Variants in CTNNA1 observed in about 807,000 individuals in gnomAD.
CTNNA1 encodes the protein catenin alpha-1.
A neutral mutation model predicts 98.4 loss-of-function variants in CTNNA1; 37 were observed. The ratio of observed to expected loss-of-function variants is 0.38; its 90% confidence interval spans 0.29 to 0.49. The LOEUF (loss-of-function observed/expected upper bound fraction) is 0.49. Among genes scored for constraint, CTNNA1 ranks in the 20% least tolerant of loss-of-function variants. The pLI, the probability that CTNNA1 is intolerant of heterozygous loss-of-function variation, is 0.95. For missense variants in CTNNA1, 761 were observed against 1,147.2 expected, an observed-to-expected ratio of 0.66 and a Z score of 4.86; for synonymous variants, 404 against 413.2, an observed-to-expected ratio of 0.98 and a Z score of 0.27.
At chr5:138,829,758 G>C (rs2149790671) in intron 7 of CTNNA1, among the ~76,000 whole-genome samples, 1 of 152,214 alleles carries the variant, frequency 6.6e-6, no homozygotes, top group Admixed American at 6.5e-5. Flanking sequence ...TAGGGATCTT[G>C]AAAGAAATCT....
rs1763786362 is a variant in CTNNA1 at position 138,925,347 on chromosome 5, T to A, written c.1839T>A (p.Asp613Glu). 6.2e-7 allele frequency: 1 copy of A among 1,614,194 alleles called. No homozygotes were observed. Among genetic ancestry groups the A allele is most frequent in the Non-Finnish European group, 8.5e-7 (1 of 1,180,042 alleles). ...CCATGGATGAGAATGAGTTTATCGA[T>A]GCTTCCCGCCTGGTATATGATGGCA... ...AQPMDENEFI[D>E]ASRLVYDGIR... Residue 613 changes from aspartate to glutamate, a missense_variant, in exon 13 of 18, where the codon GAT becomes GAA. Coordinates refer to ENST00000302763, the MANE Select transcript of CTNNA1 (RefSeq NM_001903.5).
intron 7 of CTNNA1, among the ~76,000 whole-genome samples, chr5:138,863,197 G>A (rs966013316): frequency 1.3e-5 from 2 of 151,702 alleles, no homozygotes; most frequent in East Asian, 3.9e-4. Context: ...TTTCTGACTT[G>A]TTCAGGCTAA....
intron 3 of CTNNA1, among the ~76,000 whole-genome samples, chr5:138,789,183 GTT>G (rs200967324): frequency 0.057 from 3,877 of 67,810 alleles, 163 homozygotes; most frequent in African/African-American, 0.27. Context: ...TGTTTTTCCT[GTT>G]TTTCCCCCCC....
intron 3 of CTNNA1, among the ~76,000 whole-genome samples, chr5:138,784,830 T>G (rs1220870560): frequency 6.6e-6 from 1 of 152,176 alleles, no homozygotes; most frequent in Non-Finnish European, 1.5e-5. Flanking sequence ...TCTCTGCCTT[T>G]GTTATCATAT....
Position 138,873,368 on chromosome 5 carries a change from G to A in CTNNA1, c.1063-12844G>A. 6.2e-7 allele frequency: 1 copy of A among 1,614,002 alleles called. No homozygotes were observed. The highest frequency in any genetic ancestry group is 8.5e-7 in the Non-Finnish European group (1 of 1,179,878). ...AGTAACTGCTATGCCTGCAGTAGTT[G>A]GGATTTCTTTGTCTCCCACATGGTA... is the stretch of plus-strand genomic sequence containing the variant. On this transcript the variant is annotated intron_variant, in intron 7 of 17. Transcript: ENST00000302763. The surrounding 1 kb of genome is among the most constrained non-coding windows in gnomAD (Gnocchi z 6.1).
chr5:138,907,055 T>C (rs1457819495), intron 10 of CTNNA1, among the ~76,000 whole-genome samples: 2 of 152,174 alleles, frequency 1.3e-5, no homozygotes, highest in Non-Finnish European at 2.9e-5. Flanking sequence ...GGAGTCTGAC[T>C]CTGTCACCCA....
Position 138,932,310 on chromosome 5 carries a change from G to T in CTNNA1, c.2299-268G>T, listed in dbSNP as rs1055706154. On this transcript the variant is annotated intron_variant, in intron 16 of 17. Transcript: ENST00000302763. ...CCCCGCCGTCATAGGAGGGAAGTCA[G>T]TGGGAGGCTCAGAAGGCCTTGGCTA... is the stretch of plus-strand genomic sequence containing the variant. The T allele has an allele frequency of 1.6e-4, 203 of 1,239,712 alleles. 1 individual carries two copies. Among genetic ancestry groups the T allele is most frequent in the Non-Finnish European group, 1.9e-4 (191 of 988,456 alleles). The allele number at this position is 1,239,712 out of a possible 1,614,324, so 76.8% of individuals were successfully genotyped here. A position where few individuals can be genotyped will look rare whatever the true frequency, so the allele number is the denominator to read the frequency against.
At position 138,797,190 on chromosome 5, in the gene CTNNA1, A is replaced by T. The variant is rs190868251; in HGVS notation, c.302-12848A>T. 4.6e-5 allele frequency among the ~76,000 whole-genome samples: 7 copies of T among 152,338 alleles called. No homozygotes were observed. In the East Asian group the frequency reaches 1.3e-3, roughly 29 times the overall value. ...TTTGAAGCCTGAGTTTTATTATCAT[A>T]CACACAAACTAAAGATATTGGCATT... is the stretch of plus-strand genomic sequence containing the variant. On this transcript the variant is annotated intron_variant, in intron 3 of 17. Transcript: ENST00000302763.
At position 138,805,517 on chromosome 5, in the gene CTNNA1, GCATCTTTT is replaced by G. The variant is rs1757998485; in HGVS notation, c.302-4517_302-4510del. Among the ~76,000 whole-genome samples, 3 of 152,228 alleles carry G rather than the reference GCATCTTTT, an allele frequency of 2.0e-5. No homozygotes were observed. In the South Asian group the frequency reaches 6.2e-4, roughly 32 times the overall value. The stretch of plus-strand genomic sequence containing the variant: ...ATTACCTGATGGCTAGTGAGGTTGA[GCATCTTTT>G]CATGTGCTTGTTGGCCATTTCTAAA... On this transcript the variant is annotated intron_variant, in intron 3 of 17. Transcript: ENST00000302763.
intron 1 of CTNNA1, among the ~76,000 whole-genome samples, chr5:138,776,873 G>A (rs1447157310): frequency 5.2e-5 from 7 of 134,544 alleles, no homozygotes; most frequent in African/African-American, 1.4e-4. Flanking sequence ...CCTCCCTCCC[G>A]GGCGGGGCGG....
At chr5:138,754,076 TCTCCCATACAGCTTCGC>T (rs1751330031) in intron 1 of CTNNA1, 1 of 152,194 alleles carries the variant, frequency 6.6e-6, no homozygotes, top group Non-Finnish European at 1.5e-5. Context: ...AGCCCGGGCT[TCTCCCATACAGCTTCGC>T]CGTAGGTGGG....
At position 138,827,661 on chromosome 5, in the gene CTNNA1, A is replaced by G. The variant is rs1760856077; in HGVS notation, c.1005A>G (p.Ala335=). ...TRDDRRERIV[A]ECNAVRQALQ... is the part of the protein sequence containing the mutation. ...ATGACCGTCGTGAGCGAATTGTGGC[A>G]GAGTGTAATGCTGTCCGCCAGGCCC... Residue 335 remains alanine, a synonymous_variant, in exon 7 of 18, where the codon GCA becomes GCG. Transcript: ENST00000302763. The G allele has an allele frequency of 1.2e-6, 2 of 1,614,116 alleles. No homozygotes were observed. The highest frequency in any genetic ancestry group is 1.7e-6 in the Non-Finnish European group (2 of 1,180,048).
At chr5:138,867,740 T>C (rs1764924307) in intron 7 of CTNNA1, among the ~76,000 whole-genome samples, 1 of 145,976 alleles carries the variant, frequency 6.9e-6, no homozygotes, top group Non-Finnish European at 1.5e-5. Flanking sequence ...TATGATTTTC[T>C]TTCTTTCTTT....
intron 5 of CTNNA1, among the ~76,000 whole-genome samples, chr5:138,818,126 T>G (rs1354114884): frequency 6.6e-6 from 1 of 151,218 alleles, no homozygotes; most frequent in Admixed American, 6.6e-5. Flanking sequence ...CCCTTTTTTT[T>G]CCTTTTTCTT....
chr5:138,906,084 C>T (rs989070736), intron 10 of CTNNA1, among the ~76,000 whole-genome samples: 2 of 151,980 alleles, frequency 1.3e-5, no homozygotes, highest in African/African-American at 2.4e-5. Flanking sequence ...AAGCCTCTCT[C>T]GGTGGTTATT....
intron 11 of CTNNA1, 119 bp downstream of exon 11, chr5:138,918,017 T>G: frequency 9.4e-7 from 1 of 1,067,526 alleles, no homozygotes; most frequent in Non-Finnish European, 1.4e-6. Context: ...ACAATAATAT[T>G]GTGCTGGTTT....
At chr5:138,841,212 A>G (rs183626868) in intron 7 of CTNNA1, among the ~76,000 whole-genome samples, 31 of 152,230 alleles carry the variant, frequency 2.0e-4, no homozygotes, top group African/African-American at 6.5e-4. Flanking sequence ...CAGCAACTCA[A>G]TGGCTTGCTT....
chr5:138,763,508 A>G (rs1194047134), intron 1 of CTNNA1, among the ~76,000 whole-genome samples: 2 of 152,104 alleles, frequency 1.3e-5, no homozygotes, highest in Admixed American at 1.3e-4. Context: ...ACACCCAGCT[A>G]ATTTTTTACA....
At chr5:138,851,900 CAAACA>C in intron 7 of CTNNA1, among the ~76,000 whole-genome samples, 1 of 151,930 alleles carries the variant, frequency 6.6e-6, no homozygotes, top group Non-Finnish European at 1.5e-5. Context: ...TACAAAAATA[CAAACA>C]AAACAAAACA....
Sources: gnomAD v4.1 joint callset for allele counts (sites outside exome capture counted in the v4.1 genomes callset) on GRCh38, gnomAD v4.1.1 for gene constraint, Gnocchi (gnomAD v3.1) non-coding constraint, MANE v1.5 for transcripts, NCBI Gene and HGNC (gene_info 2026-07-23, HGNC 2026-07-21) for gene names.